PVT1: variants seen among roughly 807,000 people sequenced by gnomAD.
PVT1 encodes Pvt1 oncogene.
intron 4 of PVT1, among the ~76,000 whole-genome samples, chr8:128,037,450 T>G (rs960804957): frequency 2.6e-5 from 4 of 152,222 alleles, no homozygotes; most frequent in African/African-American, 9.6e-5. Context: ...TCATTGTTAT[T>G]GTGTTGTTGC....
intron 3 of PVT1, among the ~76,000 whole-genome samples, chr8:127,973,511 A>C (rs60845745): frequency 0.15 from 23,471 of 152,008 alleles, 2,025 homozygotes; most frequent in South Asian, 0.29. Context: ...CTGTGATTCC[A>C]AAGTGCTACC....
chr8:128,062,865 G>C (rs1813848879), intron 4 of PVT1, among the ~76,000 whole-genome samples: 1 of 152,144 alleles, frequency 6.6e-6, no homozygotes, highest in Admixed American at 6.5e-5. Context: ...CATCCCTCCT[G>C]TGTTTAAAGC....
intron 3 of PVT1, among the ~76,000 whole-genome samples, chr8:127,979,692 G>A (rs1035458677): frequency 2.0e-5 from 3 of 152,058 alleles, no homozygotes; most frequent in Non-Finnish European, 4.4e-5. Flanking sequence ...TTGAGGTGAG[G>A]GTTGATCAGT....
At chr8:128,060,199 T>C (rs997952559) in intron 4 of PVT1, among the ~76,000 whole-genome samples, 6 of 152,164 alleles carry the variant, frequency 3.9e-5, no homozygotes, top group African/African-American at 1.4e-4. Flanking sequence ...GAGCTTGCAG[T>C]GAGCCCAGAT....
At chr8:127,897,825 AAAAGAAAG>A (rs757197012) in intron 3 of PVT1, among the ~76,000 whole-genome samples, 3 of 148,934 alleles carry the variant, frequency 2.0e-5, no homozygotes, top group Admixed American at 2.0e-4. Flanking sequence ...AAAAGAAAAG[AAAAGAAAG>A]AAAGAAAGAA....
At chr8:127,816,441 C>G (rs1275319985) in intron 2 of PVT1, among the ~76,000 whole-genome samples, 1 of 151,444 alleles carries the variant, frequency 6.6e-6, no homozygotes, top group African/African-American at 2.4e-5. Flanking sequence ...AGCCGCTATG[C>G]CAGGCCAACT....
intron 3 of PVT1, among the ~76,000 whole-genome samples, chr8:127,970,831 G>C (rs1230803612): frequency 6.6e-6 from 1 of 152,192 alleles, no homozygotes; most frequent in African/African-American, 2.4e-5. Context: ...AGTGCTCTAG[G>C]AGGAGGCAAA....
chr8:127,957,621 TG>T (rs1816587289), intron 3 of PVT1, among the ~76,000 whole-genome samples: 1 of 146,766 alleles, frequency 6.8e-6, no homozygotes, highest in African/African-American at 2.5e-5. Flanking sequence ...CTGCAGGCCA[TG>T]GGGGACATGG....
intron 3 of PVT1, among the ~76,000 whole-genome samples, chr8:127,921,852 A>ATTTTTTTTTTTTTTTTTTTTT (rs1816062657): frequency 1.2e-5 from 1 of 82,014 alleles, no homozygotes; most frequent in African/African-American, 4.0e-5. Flanking sequence ...TTTTTGGTTC[A>ATTTTTTTTTTTTTTTTTTTTT]TGTTTTTTTT....
chr8:127,858,563 T>G (rs113265401), intron 2 of PVT1, among the ~76,000 whole-genome samples: 1 of 151,972 alleles, frequency 6.6e-6, no homozygotes, highest in Non-Finnish European at 1.5e-5. Flanking sequence ...ATCTTAAATA[T>G]TGGCCAAAAG....
chr8:127,991,502 G>A (rs766132179), intron 4 of PVT1, among the ~76,000 whole-genome samples: 3 of 152,238 alleles, frequency 2.0e-5, no homozygotes, highest in East Asian at 1.9e-4. Flanking sequence ...AGGTGTAGCA[G>A]CCTTTCCAGC....
At chr8:127,844,199 T>A (rs1466207638) in intron 2 of PVT1, among the ~76,000 whole-genome samples, 1 of 152,124 alleles carries the variant, frequency 6.6e-6, no homozygotes, top group African/African-American at 2.4e-5. Flanking sequence ...TTAGCCAGGA[T>A]GGTCTTGATC....
At chr8:127,844,200 G>A (rs1815005505) in intron 2 of PVT1, among the ~76,000 whole-genome samples, 2 of 152,030 alleles carry the variant, frequency 1.3e-5, no homozygotes, top group Admixed American at 1.3e-4. Context: ...TAGCCAGGAT[G>A]GTCTTGATCT....
At chr8:127,812,639 AGGAAG>A (rs201063026) in intron 2 of PVT1, among the ~76,000 whole-genome samples, 3,576 of 145,102 alleles carry the variant, frequency 0.025, 67 homozygotes, top group African/African-American at 0.046. Flanking sequence ...GAAGGAAGGA[AGGAAG>A]GGAAGGGAAG....
intron 3 of PVT1, among the ~76,000 whole-genome samples, chr8:127,920,773 C>G (rs1300838828): frequency 6.6e-6 from 1 of 152,034 alleles, no homozygotes; most frequent in Non-Finnish European, 1.5e-5. Context: ...AAAATTGTCA[C>G]CAAATAACTT....
chr8:127,955,819 A>G lies in PVT1; in HGVS notation n.783-33343A>G, dbSNP rs984237934. Among the ~76,000 whole-genome samples the G allele has an allele frequency of 4.6e-5, 7 of 152,226 alleles. No individual in the cohort carries two copies. In the East Asian group the frequency reaches 1.4e-3, roughly 29 times the overall value. ...AGGCTGGTCTCAAACTCCTAGCCTC[A>G]AGTGATCTGCCCGCCTCGGCCTCCC... On this transcript the variant is annotated intron_variant and non_coding_transcript_variant, in intron 3 of 10. Coordinates refer to ENST00000651587, the Ensembl canonical transcript of PVT1.
At chr8:127,939,180 C>G (rs1563644994) in intron 3 of PVT1, among the ~76,000 whole-genome samples, 1 of 152,228 alleles carries the variant, frequency 6.6e-6, no homozygotes, top group African/African-American at 2.4e-5. Flanking sequence ...CCTATCCTCA[C>G]CTGCCTTCTC....
chr8:127,808,064 G>A (rs1360478742), intron 2 of PVT1, among the ~76,000 whole-genome samples: 1 of 148,442 alleles, frequency 6.7e-6, no homozygotes, highest in East Asian at 2.0e-4. Context: ...CACCGGGCCC[G>A]GCTGAGACAG....
chr8:127,979,514 G>A (rs1816860160), intron 3 of PVT1, among the ~76,000 whole-genome samples: 1 of 152,244 alleles, frequency 6.6e-6, no homozygotes, highest in African/African-American at 2.4e-5. Context: ...ATGTAGATTA[G>A]CAAGTAGGAT....
Sources: gnomAD v4.1 joint callset for allele counts (sites outside exome capture counted in the v4.1 genomes callset) on GRCh38, gnomAD v4.1.1 for gene constraint, MANE v1.5 for transcripts, NCBI Gene and HGNC (gene_info 2026-07-23, HGNC 2026-07-21) for gene names.